Variants in PDCD2L observed in about 807,000 individuals in gnomAD.
The protein encoded by PDCD2L is uS5 assembly chaperone PDCD2L.
Under a neutral mutation model 40.4 loss-of-function variants are expected in PDCD2L, and 44 were observed. The ratio of observed to expected loss-of-function variants is 1.09; its 90% CI spans 0.86 to 1.40. The LOEUF (loss-of-function observed/expected upper bound fraction) is 1.40, where lower values mean the gene tolerates loss of function less well. Ranked by LOEUF, PDCD2L falls within the 40% of genes most tolerant of loss-of-function variation. The pLI, the probability that PDCD2L is intolerant of heterozygous loss-of-function variation, is 0.00. For synonymous variants in PDCD2L, 194 were observed against 174.6 expected (o/e 1.11, Z -0.88); for missense variants, 470 against 453.7 (o/e 1.04, Z -0.33).
intron 6 of PDCD2L, among the ~76,000 whole-genome samples, chr19:34,424,952 G>A (rs10853937): frequency 0.66 from 100,562 of 151,566 alleles, 36,621 homozygotes; most frequent in Non-Finnish European, 0.82. Flanking sequence ...CACCATGTTG[G>A]CCAGGCTGGT....
chr19:34,413,655 G>GA, intron 4 of PDCD2L, 82 bp from the exon 5 acceptor site: 2 of 928,434 alleles, frequency 2.2e-6, no homozygotes, highest in South Asian at 1.5e-5. Flanking sequence ...TTTTTTAAAA[G>GA]AAAATTATCT....
rs1226911117 is a variant in PDCD2L, at chr19:34,404,970, A to G, written c.316A>G (p.Arg106Gly). Reference protein sequence around the residue: ...FRSQCLQVPEREAQDAQKQGN... With the variant: ...FRSQCLQVPEGEAQDAQKQGN... Reference sequence around the variant, plus strand: ...CTCCCAGTGCCTGCAGGTGCCAGAGAGAGAGGCGCAGGACGCTCAGGTAAA... The same window carrying G: ...CTCCCAGTGCCTGCAGGTGCCAGAGGGAGAGGCGCAGGACGCTCAGGTAAA... Residue 106 changes from arginine to glycine, a missense_variant, in exon 3 of 7, where the codon AGA (arginine) becomes GGA (glycine). Physicochemically the swap from Arg to Gly is moderately radical, Grantham distance 125. Coordinates refer to ENST00000246535, the MANE Select transcript of PDCD2L (RefSeq NM_032346.2). The G allele has an allele frequency of 1.2e-6, 2 of 1,614,170 alleles. No homozygotes were observed. Among genetic ancestry groups the G allele is most frequent in the East Asian group, 2.2e-5 (1 of 44,876 alleles).
At chr19:34,418,906 C>T (rs974887652) in intron 5 of PDCD2L, among the ~76,000 whole-genome samples, 3 of 152,206 alleles carry the variant, frequency 2.0e-5, no homozygotes, top group African/African-American at 4.8e-5. Context: ...TGTTTTCCAT[C>T]TCTGTATATC....
chr19:34,405,143 GTT>G (rs74177144), intron 3 of PDCD2L, among the ~76,000 whole-genome samples, 153 bp downstream of exon 3: 4 of 111,076 alleles, frequency 3.6e-5, no homozygotes, highest in African/African-American at 7.3e-5. Context: ...TTTTCGTAAA[GTT>G]TTTTTTTTTT....
intron 5 of PDCD2L, among the ~76,000 whole-genome samples, chr19:34,415,484 T>C (rs1360823722): frequency 6.6e-6 from 1 of 152,122 alleles, no homozygotes; most frequent in Non-Finnish European, 1.5e-5. Flanking sequence ...CTATTTTAGG[T>C]AGGCTATCAG....
intron 3 of PDCD2L, among the ~76,000 whole-genome samples, chr19:34,407,748 A>G (rs1458293085): frequency 1.3e-5 from 2 of 152,168 alleles, no homozygotes; most frequent in African/African-American, 4.8e-5. Context: ...TGTATGTGAT[A>G]ATGTATACGT....
chr19:34,425,140 A>G (rs2075171199), intron 6 of PDCD2L, among the ~76,000 whole-genome samples: 2 of 151,554 alleles, frequency 1.3e-5, no homozygotes, highest in South Asian at 4.2e-4. Context: ...TTCTGTTCTA[A>G]TATCAGGAGT....
chr19:34,415,938 G>A (rs527747420), intron 5 of PDCD2L, among the ~76,000 whole-genome samples: 3 of 151,834 alleles, frequency 2.0e-5, no homozygotes, highest in Non-Finnish European at 2.9e-5. Flanking sequence ...TTCTTTTTTC[G>A]GAAACGGAAT....
At chr19:34,412,173 C>T (rs11882493) in intron 4 of PDCD2L, among the ~76,000 whole-genome samples, 16,487 of 151,436 alleles carry the variant, frequency 0.11, 999 homozygotes, top group East Asian at 0.19. Flanking sequence ...GTGCATACCA[C>T]CATGCCCAGC....
chr19:34,423,980 A>C (rs1034302712), intron 6 of PDCD2L, among the ~76,000 whole-genome samples: 2 of 152,132 alleles, frequency 1.3e-5, no homozygotes, highest in African/African-American at 4.8e-5. Context: ...TGTGCATGGT[A>C]ATGTGGCTTC....
At position 34,423,136 on chromosome 19, in the gene PDCD2L, C is replaced by T. The variant is rs193123191; in HGVS notation, c.946+1469C>T. Among the ~76,000 whole-genome samples the T allele has an allele frequency of 1.6e-4, 24 of 152,236 alleles. No individual in the cohort carries two copies. The East Asian group carries it at 3.1e-3, about 20-fold the overall frequency. On this transcript the variant is annotated intron_variant, in intron 6 of 6. Coordinates refer to ENST00000246535, the MANE Select transcript of PDCD2L (RefSeq NM_032346.2). ...AGTTTTAGATAGTATGCATCTGGCTCCTTACCATAGTAGATAAGGAAATTT... is the reference window on the plus strand; with the variant it reads ...AGTTTTAGATAGTATGCATCTGGCTTCTTACCATAGTAGATAAGGAAATTT...
At chr19:34,418,062 C>T (rs1313697581) in intron 5 of PDCD2L, among the ~76,000 whole-genome samples, 1 of 152,182 alleles carries the variant, frequency 6.6e-6, no homozygotes, top group African/African-American at 2.4e-5. Context: ...TCCATATACT[C>T]ATTTGACATC....
chr19:34,407,065 G>T (rs2075079971), intron 3 of PDCD2L, among the ~76,000 whole-genome samples: 1 of 151,520 alleles, frequency 6.6e-6, no homozygotes, highest in African/African-American at 2.4e-5. Flanking sequence ...TTGAACTCCT[G>T]ACCTCAGGCA....
chr19:34,421,494 G>A lies in PDCD2L; in HGVS notation c.798-25G>A, dbSNP rs377452202. 8.1e-5 allele frequency: 131 copies of A among 1,611,966 alleles called. No individual in the cohort carries two copies. In the African/African-American group the frequency reaches 1.6e-3, roughly 20 times the overall value. On this transcript the variant is annotated intron_variant, in intron 5 of 6. Coordinates refer to ENST00000246535, the MANE Select transcript of PDCD2L (RefSeq NM_032346.2). ...AATGCGACTTGTGTGGCTCTGATTC[G>A]GGGTTCTTTGTTTCCTTGTCCTAGG...
Position 34,404,621 on chromosome 19 carries a change from G to A in PDCD2L, c.109-28G>A, listed in dbSNP as rs1336315395. The stretch of plus-strand genomic sequence containing the variant: ...TGGGCGAGGTCCTGGGGGGAGTCGG[G>A]GTCTGAGCGCCTCCTCTGTCCCCTC... On this transcript the variant is annotated intron_variant, in intron 1 of 6. Transcript: ENST00000246535. 6 of 1,603,980 alleles carry A rather than the reference G, an allele frequency of 3.7e-6. No homozygotes were observed. In the African/African-American group the frequency reaches 6.7e-5, roughly 18 times the overall value.
chr19:34,409,574 C>G, intron 4 of PDCD2L, 64 bp downstream of exon 4: 3 of 1,447,148 alleles, frequency 2.1e-6, no homozygotes, highest in Non-Finnish European at 1.9e-6. Context: ...AAGAGTTACC[C>G]TTCAGTTTCA....
In PDCD2L at chr19:34,421,549, G is replaced by T; in HGVS notation, c.828G>T (p.Leu276Phe). Residue 276 changes from leucine to phenylalanine, a missense_variant, in exon 6 of 7, where the codon TTG becomes TTT. Leu to Phe is a conservative substitution (Grantham distance 22). Transcript: ENST00000246535. ...CCTGGAGTGGAGAGCCACTCTTTTT[G>T]ACCTGCCCTACATCAGAAGTCACCG... is the stretch of plus-strand genomic sequence containing the variant. ...RYSWSGEPLF[L>F]TCPTSEVTEL... 6.2e-7 allele frequency: 1 copy of T among 1,613,910 alleles called. No homozygotes were observed. The highest frequency in any genetic ancestry group is 1.1e-5 in the South Asian group (1 of 91,042).
Position 34,405,009 on chromosome 19 carries a change from A to G in PDCD2L, c.336+19A>G. On this transcript the variant is annotated intron_variant, in intron 3 of 6. Coordinates refer to ENST00000246535, the MANE Select transcript of PDCD2L (RefSeq NM_032346.2). ...CGCTCAGGTAAAGGTTGTGATTGGCATGTTATTGTTTTTCTGTCATTTGAG... is the reference window on the plus strand; with the variant it reads ...CGCTCAGGTAAAGGTTGTGATTGGCGTGTTATTGTTTTTCTGTCATTTGAG... The G allele has an allele frequency of 1.2e-6, 2 of 1,613,500 alleles. No homozygotes were observed. The highest frequency in any genetic ancestry group is 1.7e-6 in the Non-Finnish European group (2 of 1,179,674).
intron 4 of PDCD2L, among the ~76,000 whole-genome samples, chr19:34,409,957 T>A (rs1191058512): frequency 6.6e-6 from 1 of 152,088 alleles, no homozygotes; most frequent in Non-Finnish European, 1.5e-5. Flanking sequence ...TGCTTTCAGA[T>A]CCTCAATTCT....
Sources: gnomAD v4.1 joint callset for allele counts (sites outside exome capture counted in the v4.1 genomes callset) on GRCh38, gnomAD v4.1.1 for gene constraint, MANE v1.5 for transcripts, NCBI Gene and HGNC (gene_info 2026-07-23, HGNC 2026-07-21) for gene names.